CFAP52: variants seen among roughly 807,000 people sequenced by gnomAD.
CFAP52 encodes cilia and flagella associated protein 52.
Under a neutral mutation model 70.5 loss-of-function variants are expected in CFAP52, and 57 were observed. The ratio of observed to expected loss-of-function variants is 0.81; its 90% CI spans 0.65 to 1.01. CFAP52 has a LOEUF of 1.01. Among genes scored for constraint, CFAP52 ranks in the 50% least tolerant of loss-of-function variants. The pLI is 0.00. For synonymous variants in CFAP52, 267 were observed against 292.5 expected (o/e 0.91, Z 0.89); for missense variants, 785 against 788.5 (o/e 1.00, Z 0.05).
intron 7 of CFAP52, among the ~76,000 whole-genome samples, chr17:9,611,145 T>TGCTG (rs1315712018): frequency 6.6e-6 from 1 of 152,218 alleles, no homozygotes; most frequent in African/African-American, 2.4e-5. Context: ...GTATTTCCCA[T>TGCTG]GCTGGCTTCT....
At chr17:9,577,018 G>A (rs531647764) in intron 1 of CFAP52, among the ~76,000 whole-genome samples, 2 of 152,256 alleles carry the variant, frequency 1.3e-5, no homozygotes, top group East Asian at 3.9e-4. Flanking sequence ...CACCTAAAAG[G>A]GACCAAATGC....
intron 12 of CFAP52, among the ~76,000 whole-genome samples, chr17:9,640,921 G>T (rs1911026555): frequency 6.6e-6 from 1 of 152,182 alleles, no homozygotes; most frequent in African/African-American, 2.4e-5. Context: ...TGGGATTATA[G>T]GTGTGAGCCG....
chr17:9,585,371 T>A (rs1474083856), intron 1 of CFAP52, among the ~76,000 whole-genome samples: 1 of 152,176 alleles, frequency 6.6e-6, no homozygotes, highest in Non-Finnish European at 1.5e-5. Context: ...GAACTAAGGC[T>A]TATTTTTAAA....
Position 9,638,642 on chromosome 17 carries a change from C to A in CFAP52, c.1506C>A (p.Asn502Lys), listed in dbSNP as rs147829154. ...GGAGGAATCAGATGATACTAGCCAA[C>A]ACCTTATTCCAGTGTGTGTGCTATC... Reference protein sequence around the residue: ...RLRRNQMILANTLFQCVCYHP... With the variant: ...RLRRNQMILAKTLFQCVCYHP... Residue 502 changes from asparagine (N) to lysine (K), a missense_variant, in exon 12 of 14, where the codon AAC (asparagine) becomes AAA (lysine). Physicochemically the swap from Asn to Lys is moderately conservative, Grantham distance 94. Coordinates refer to ENST00000352665, the MANE Select transcript of CFAP52 (RefSeq NM_145054.5). 6.8e-6 allele frequency: 11 copies of A among 1,614,096 alleles called. No individual in the cohort carries two copies. The African/African-American group carries it at 1.3e-4, about 20-fold the overall frequency.
chr17:9,638,499 G>A (rs2151953308), intron 11 of CFAP52, 110 bp from the exon 12 acceptor site: 1 of 923,790 alleles, frequency 1.1e-6, no homozygotes, highest in East Asian at 2.6e-5. Context: ...TGTTTGGCAT[G>A]GAGATAAACC....
chr17:9,616,575 A>G (rs1909936587), intron 8 of CFAP52, among the ~76,000 whole-genome samples: 1 of 147,932 alleles, frequency 6.8e-6, no homozygotes, highest in East Asian at 2.0e-4. Context: ...GACAGCAGTA[A>G]CCTCTGCAGA....
At chr17:9,596,160 C>T (rs1395508173) in intron 4 of CFAP52, among the ~76,000 whole-genome samples, 4 of 148,070 alleles carry the variant, frequency 2.7e-5, no homozygotes, top group African/African-American at 5.0e-5. Flanking sequence ...AGTGCAATGG[C>T]GCAATCTCAG....
chr17:9,579,017 G>T (rs1026825872), intron 1 of CFAP52, among the ~76,000 whole-genome samples: 7 of 152,162 alleles, frequency 4.6e-5, no homozygotes, highest in Non-Finnish European at 1.0e-4. Context: ...TTCCGTCAAG[G>T]CTGGGAACTC....
intron 13 of CFAP52, among the ~76,000 whole-genome samples, chr17:9,642,445 G>A (rs546361768): frequency 3.2e-4 from 48 of 152,194 alleles, no homozygotes; most frequent in African/African-American, 1.1e-3. Context: ...CCAACATGGT[G>A]AAACCCTGTG....
At chr17:9,645,507 C>G, downstream of CFAP52, 1 of 959,634 alleles carries the variant, frequency 1.0e-6, no homozygotes, top group Non-Finnish European at 1.3e-6. The surrounding 1 kb of genome is among the most constrained non-coding windows in gnomAD (Gnocchi z 6.8). Context: ...CGCCTCCGCC[C>G]CGTCCCCGCA....
intron 8 of CFAP52, among the ~76,000 whole-genome samples, chr17:9,626,804 A>G (rs945661426): frequency 5.9e-5 from 9 of 152,210 alleles, no homozygotes; most frequent in Non-Finnish European, 7.3e-5. Flanking sequence ...TTATAACTGT[A>G]ACACTAAGCC....
intron 3 of CFAP52, 45 bp from the exon 4 acceptor site, chr17:9,594,148 G>C (rs1031500960): frequency 2.0e-6 from 3 of 1,533,364 alleles, no homozygotes; most frequent in Non-Finnish European, 8.8e-7. Context: ...TTAAAAGCCT[G>C]TTTTCTCTTT....
intron 8 of CFAP52, among the ~76,000 whole-genome samples, chr17:9,626,727 G>T (rs1443295906): frequency 2.6e-5 from 4 of 152,042 alleles, no homozygotes; most frequent in African/African-American, 9.7e-5. Flanking sequence ...AGACTGTCTG[G>T]CAAGAAGCCC....
Position 9,576,778 on chromosome 17 carries a change from G to C in CFAP52, c.70+13G>C. 1 of 1,607,292 alleles carries C rather than the reference G, an allele frequency of 6.2e-7. No homozygotes were observed. The highest frequency in any genetic ancestry group is 8.5e-7 in the Non-Finnish European group (1 of 1,176,544). On this transcript the variant is annotated intron_variant, in intron 1 of 13. Coordinates refer to ENST00000352665, the MANE Select transcript of CFAP52 (RefSeq NM_145054.5). The stretch of plus-strand genomic sequence containing the variant: ...ATCGGCTTCAATGGTGAGGCCTCCA[G>C]CATCTTTGGGCTGGCTGGTTTAGGA...
rs202195834 is a variant in CFAP52 at position 9,610,701 on chromosome 17, A to AT, written c.855-1599dup. 2.0e-4 allele frequency among the ~76,000 whole-genome samples: 30 copies of AT among 151,146 alleles called. No homozygotes were observed. In the East Asian group the frequency reaches 3.5e-3, roughly 18 times the overall value. Reference sequence around the variant, plus strand: ...AGGTGCCCGCCACCAAGCCCAGCTAATTTTTTTTTGTATTTTTAGTAGAGA... The same window carrying AT: ...AGGTGCCCGCCACCAAGCCCAGCTAATTTTTTTTTTGTATTTTTAGTAGAGA... On this transcript the variant is annotated intron_variant, in intron 7 of 13. Transcript: ENST00000352665.
At chr17:9,590,911 G>A (rs1399585531) in intron 3 of CFAP52, among the ~76,000 whole-genome samples, 1 of 151,892 alleles carries the variant, frequency 6.6e-6, no homozygotes, top group Non-Finnish European at 1.5e-5. Context: ...AGAGTCAGGG[G>A]TCAACCCTGA....
intron 5 of CFAP52, 24 bp from the exon 6 acceptor site, chr17:9,600,043 G>T (rs898471762): frequency 1.2e-6 from 2 of 1,608,768 alleles, no homozygotes; most frequent in Middle Eastern, 1.7e-4. Context: ...GGCTGGCCAA[G>T]ATTTCTTTTT....
chr17:9,585,937 A>G lies in CFAP52; in HGVS notation c.235A>G (p.Ile79Val). Residue 79 changes from isoleucine to valine, a missense_variant, in exon 2 of 14, where the codon ATC (isoleucine) becomes GTC (valine). By Grantham distance (29) the Ile-to-Val change is conservative. Coordinates refer to ENST00000352665, the MANE Select transcript of CFAP52 (RefSeq NM_145054.5). ...CLAISRSGEY[I>V]ASGQVTFMGF... is the part of the protein sequence containing the mutation. ...GGCCATCTCCAGGTCTGGAGAGTAC[A>G]TCGCCTCCGGACAAGTCACATTCAT... 1.2e-6 allele frequency: 2 copies of G among 1,613,818 alleles called. No homozygotes were observed. Among genetic ancestry groups the G allele is most frequent in the Non-Finnish European group, 1.7e-6 (2 of 1,179,912 alleles).
chr17:9,583,708 G>A (rs2151926523), intron 1 of CFAP52, among the ~76,000 whole-genome samples: 1 of 152,274 alleles, frequency 6.6e-6, no homozygotes, highest in Admixed American at 6.5e-5. Context: ...AAGGTGACAT[G>A]CAAGTTTGTA....
Sources: gnomAD v4.1 joint callset for allele counts (sites outside exome capture counted in the v4.1 genomes callset) on GRCh38, gnomAD v4.1.1 for gene constraint, Gnocchi (gnomAD v3.1) non-coding constraint, MANE v1.5 for transcripts, NCBI Gene and HGNC (gene_info 2026-07-23, HGNC 2026-07-21) for gene names.